The following BMPER variants were observed in gnomAD, a reference collection of about 807,000 sequenced individuals.
BMPER encodes BMP binding endothelial regulator, also known as BMP-binding endothelial regulator protein.
In BMPER, 45 loss-of-function variants were observed where a neutral mutation model predicts 87.3. That is an observed-to-expected ratio of 0.52 (90% CI 0.41 to 0.66). The LOEUF (loss-of-function observed/expected upper bound fraction) is 0.66, where lower values mean the gene tolerates loss of function less well. BMPER is among the 30% of genes least tolerant of loss of function. The probability of loss-of-function intolerance (pLI) is 0.00; values close to 1 mark genes in which losing one functional copy is unlikely to be tolerated. For synonymous variants in BMPER, 326 were observed against 316.2 expected, an observed-to-expected ratio of 1.03 and a Z score of -0.33; for missense variants, 784 against 867.5, an observed-to-expected ratio of 0.90 and a Z score of 1.21.
intron 13 of BMPER, among the ~76,000 whole-genome samples, chr7:34,130,912 G>A (rs1218412026): frequency 6.6e-6 from 1 of 152,140 alleles, no homozygotes; most frequent in East Asian, 1.9e-4. Context: ...AGAGGGTGAG[G>A]GCTCAGCTTT....
At chr7:34,121,962 T>G (rs988897076) in intron 13 of BMPER, among the ~76,000 whole-genome samples, 1 of 150,364 alleles carries the variant, frequency 6.7e-6, no homozygotes, top group African/African-American at 2.4e-5. Context: ...CTCTACAATT[T>G]TTTTTTTTTA....
chr7:33,941,253 A>T (rs1403709558), intron 3 of BMPER, among the ~76,000 whole-genome samples: 8 of 145,666 alleles, frequency 5.5e-5, no homozygotes, highest in African/African-American at 5.0e-5. Flanking sequence ...ATACATTTTT[A>T]TATATGTAAC....
At position 34,056,947 on chromosome 7, in the gene BMPER, G is replaced by A. The variant is rs1019277241; in HGVS notation, c.928-1112G>A. 5.9e-5 allele frequency among the ~76,000 whole-genome samples: 9 copies of A among 152,090 alleles called. No homozygotes were observed. In the South Asian group the frequency reaches 1.2e-3, roughly 21 times the overall value. ...CACTTGTAAGTCACCTTGTAAAAAC[G>A]GTTCCTTTAAATGACTGAGGCTTAA... is the stretch of plus-strand genomic sequence containing the variant. On this transcript the variant is annotated intron_variant, in intron 9 of 14. Transcript: ENST00000649409.
chr7:34,106,676 A>G (rs953097744), intron 13 of BMPER, among the ~76,000 whole-genome samples: 1 of 152,184 alleles, frequency 6.6e-6, no homozygotes, highest in African/African-American at 2.4e-5. Flanking sequence ...TGGGCCTTTC[A>G]TCAGAAACCT....
At chr7:33,979,709 T>C (rs574587648) in intron 6 of BMPER, among the ~76,000 whole-genome samples, 2 of 152,324 alleles carry the variant, frequency 1.3e-5, no homozygotes, top group South Asian at 4.1e-4. Context: ...TGTGGGTGTG[T>C]GAAGCATCCC....
chr7:33,961,887 G>C (rs1466662811), intron 3 of BMPER, among the ~76,000 whole-genome samples: 1 of 152,022 alleles, frequency 6.6e-6, no homozygotes, highest in Non-Finnish European at 1.5e-5. Context: ...AGGTAGGTTG[G>C]GGGCATGTTG....
chr7:34,129,494 T>C (rs1019523304), intron 13 of BMPER, among the ~76,000 whole-genome samples: 2 of 147,656 alleles, frequency 1.4e-5, no homozygotes, highest in Admixed American at 1.4e-4. Flanking sequence ...GCTGAGATCG[T>C]GCCAGTGACC....
At chr7:33,956,042 A>G (rs1785140916) in intron 3 of BMPER, among the ~76,000 whole-genome samples, 1 of 152,088 alleles carries the variant, frequency 6.6e-6, no homozygotes, top group African/African-American at 2.4e-5. Context: ...AAAACCACAA[A>G]AAAAAAAACA....
intron 13 of BMPER, among the ~76,000 whole-genome samples, chr7:34,142,753 T>C (rs1166231261): frequency 1.3e-5 from 2 of 152,220 alleles, no homozygotes; most frequent in Non-Finnish European, 2.9e-5. Context: ...TGGTTACCAT[T>C]TTTGGAAACA....
intron 6 of BMPER, among the ~76,000 whole-genome samples, chr7:34,042,436 A>T (rs1787856468): frequency 6.6e-6 from 1 of 152,200 alleles, no homozygotes; most frequent in African/African-American, 2.4e-5. Flanking sequence ...AACATTTAAC[A>T]AATACATGAG....
intron 6 of BMPER, among the ~76,000 whole-genome samples, chr7:34,038,332 A>AG: frequency 6.6e-6 from 1 of 152,056 alleles, no homozygotes; most frequent in Non-Finnish European, 1.5e-5. Flanking sequence ...AAGATGGAGG[A>AG]GGGGGCCATC....
At chr7:34,084,744 C>T (rs971039696) in intron 12 of BMPER, among the ~76,000 whole-genome samples, 16 of 152,310 alleles carry the variant, frequency 1.1e-4, no homozygotes, top group African/African-American at 3.6e-4. Flanking sequence ...TGTATCTATG[C>T]TGTGTGACAG....
intron 13 of BMPER, among the ~76,000 whole-genome samples, chr7:34,104,674 A>C (rs1789773631): frequency 6.6e-6 from 1 of 152,170 alleles, no homozygotes; most frequent in Non-Finnish European, 1.5e-5. Context: ...TCTAGGGTTG[A>C]AACGTGGGTG....
intron 11 of BMPER, among the ~76,000 whole-genome samples, chr7:34,064,702 G>T (rs1788532935): frequency 6.6e-6 from 1 of 152,206 alleles, no homozygotes; most frequent in African/African-American, 2.4e-5. Context: ...CAGGCATGTG[G>T]TTCTCTGTCC....
At chr7:34,010,958 T>G (rs1786858753) in intron 6 of BMPER, among the ~76,000 whole-genome samples, 2 of 151,946 alleles carry the variant, frequency 1.3e-5, no homozygotes, top group African/African-American at 4.8e-5. Context: ...GCCTTTTTAA[T>G]TTGTGAGATT....
intron 6 of BMPER, among the ~76,000 whole-genome samples, chr7:33,981,308 A>G (rs1431016965): frequency 1.3e-5 from 2 of 152,106 alleles, no homozygotes; most frequent in East Asian, 1.9e-4. Flanking sequence ...CTTATATCTC[A>G]TGGCTTTTAC....
intron 3 of BMPER, among the ~76,000 whole-genome samples, chr7:33,952,851 C>A (rs1785060132): frequency 6.6e-6 from 1 of 152,204 alleles, no homozygotes; most frequent in South Asian, 2.1e-4. Flanking sequence ...ACTTAGAAAT[C>A]TGTCTGCTAG....
chr7:33,913,912 G>T (rs755835988), intron 2 of BMPER, among the ~76,000 whole-genome samples: 2 of 151,730 alleles, frequency 1.3e-5, no homozygotes, highest in Admixed American at 6.6e-5. Flanking sequence ...AAATTATTCA[G>T]TCTGGTAGGT....
chr7:33,905,801 G>A, intron 1 of BMPER, 55 bp downstream of exon 1: 2 of 974,964 alleles, frequency 2.1e-6, no homozygotes, highest in Non-Finnish European at 3.0e-6. Flanking sequence ...TGGTACCTGG[G>A]AAAGGTGGCG....
Sources: allele counts gnomAD v4.1 joint callset (sites outside exome capture counted in the v4.1 genomes callset), GRCh38; gene constraint gnomAD v4.1.1; transcripts MANE v1.5; gene names NCBI Gene and HGNC (gene_info 2026-07-23, HGNC 2026-07-21).